The following RANBP10 variants were observed in gnomAD, a reference collection of about 807,000 sequenced individuals.
RANBP10 encodes RAN binding protein 10.
In RANBP10, 24 loss-of-function variants were observed where a neutral mutation model predicts 72.8. That is an observed-to-expected ratio of 0.33 (90% CI 0.24 to 0.46). The LOEUF (loss-of-function observed/expected upper bound fraction) is 0.46. Among genes scored for constraint, RANBP10 ranks in the 20% least tolerant of loss-of-function variants. RANBP10 has a pLI of 1.00. For missense variants in RANBP10, 679 were observed against 817.5 expected (o/e 0.83, Z 2.07); for synonymous variants, 310 against 322.3 (o/e 0.96, Z 0.41).
chr16:67,778,218 G>A (rs142567122), intron 2 of RANBP10, among the ~76,000 whole-genome samples: 94 of 152,242 alleles, frequency 6.2e-4, no homozygotes, highest in African/African-American at 2.1e-3. Context: ...GCATAGTGGC[G>A]CATGCCTGTA....
At chr16:67,741,334 G>A (rs2053965418) in intron 4 of RANBP10, among the ~76,000 whole-genome samples, 1 of 152,134 alleles carries the variant, frequency 6.6e-6, no homozygotes, top group African/African-American at 2.4e-5. Flanking sequence ...AGGAGAATGA[G>A]GAAAGACGCT....
intron 3 of RANBP10, among the ~76,000 whole-genome samples, chr16:67,756,704 G>GA (rs551126849): frequency 3.3e-5 from 5 of 151,346 alleles, no homozygotes; most frequent in South Asian, 2.1e-4. Context: ...CTCTGTCTCA[G>GA]AAAAAAAACA....
At chr16:67,794,930 T>TAAAAAAAAAAAAAAAA (rs1239858200) in intron 2 of RANBP10, among the ~76,000 whole-genome samples, 6 of 54,240 alleles carry the variant, frequency 1.1e-4, no homozygotes, top group East Asian at 5.2e-4. Context: ...TGCCTCAAAT[T>TAAAAAAAAAAAAAAAA]AAAAAAAAAA....
Position 67,729,914 on chromosome 16 carries a change from G to T in RANBP10, c.998+24C>A, listed in dbSNP as rs750683617. 3.7e-6 allele frequency: 6 copies of T among 1,613,692 alleles called. No homozygotes were observed. In the South Asian group the frequency reaches 6.6e-5, roughly 18 times the overall value. ...AGCTGAGAGGGGCTGGACTCTGGGGGAGCTGGGGGTGCCCAAGACTTACTT... is the reference window on the plus strand; with the variant it reads ...AGCTGAGAGGGGCTGGACTCTGGGGTAGCTGGGGGTGCCCAAGACTTACTT... On this transcript the variant is annotated intron_variant, in intron 8 of 13. Transcript: ENST00000317506. The surrounding 1 kb of genome is among the most constrained non-coding windows in gnomAD (Gnocchi z 7.1).
chr16:67,784,270 C>G (rs1363733289), intron 2 of RANBP10, among the ~76,000 whole-genome samples: 4 of 152,176 alleles, frequency 2.6e-5, no homozygotes, highest in Non-Finnish European at 4.4e-5. Context: ...CTTGTTAATT[C>G]CAGTATTTTG....
chr16:67,727,667 G>A (rs2053632643), intron 12 of RANBP10, 84 bp downstream of exon 12: 1 of 1,588,626 alleles, frequency 6.3e-7, no homozygotes, highest in Admixed American at 1.7e-5. Flanking sequence ...ACTCTTTCCT[G>A]CTGCCCCCTG....
intron 2 of RANBP10, among the ~76,000 whole-genome samples, chr16:67,794,097 G>A (rs1205622070): frequency 6.6e-6 from 1 of 152,068 alleles, no homozygotes; most frequent in African/African-American, 2.4e-5. Context: ...TGTCCAGGCT[G>A]GTCTTGAACC....
intron 4 of RANBP10, among the ~76,000 whole-genome samples, chr16:67,742,679 A>G (rs2053991942): frequency 6.6e-6 from 1 of 152,202 alleles, no homozygotes; most frequent in South Asian, 2.1e-4. Context: ...AGGGAACAGT[A>G]GAGTCTGCCC....
At chr16:67,758,314 G>A (rs2143009370) in intron 3 of RANBP10, among the ~76,000 whole-genome samples, 1 of 152,322 alleles carries the variant, frequency 6.6e-6, no homozygotes, top group African/African-American at 2.4e-5. Context: ...GCAAAACTGA[G>A]GTGCAACATC....
intron 2 of RANBP10, among the ~76,000 whole-genome samples, chr16:67,801,794 A>C (rs906204930): frequency 1.1e-4 from 16 of 151,864 alleles, no homozygotes; most frequent in Admixed American, 8.5e-4. Flanking sequence ...ATCTCTATAA[A>C]ATAGTTAAAA....
intron 2 of RANBP10, among the ~76,000 whole-genome samples, chr16:67,789,182 C>T (rs1427284171): frequency 4.7e-5 from 7 of 150,510 alleles, no homozygotes; most frequent in South Asian, 2.1e-4. Flanking sequence ...TGGTGGTGCA[C>T]GCCTGTAGTC....
At chr16:67,793,032 C>G (rs2055058047) in intron 2 of RANBP10, among the ~76,000 whole-genome samples, 1 of 152,022 alleles carries the variant, frequency 6.6e-6, no homozygotes, top group Non-Finnish European at 1.5e-5. Flanking sequence ...AGTACCAAAC[C>G]TTGACTTTCC....
At chr16:67,793,235 G>A (rs1006541340) in intron 2 of RANBP10, among the ~76,000 whole-genome samples, 1 of 151,786 alleles carries the variant, frequency 6.6e-6, no homozygotes, top group African/African-American at 2.4e-5. Context: ...ATGTCCTTTG[G>A]TACACAGACA....
chr16:67,745,789 G>A (rs1405186735), intron 3 of RANBP10, among the ~76,000 whole-genome samples: 1 of 152,110 alleles, frequency 6.6e-6, no homozygotes, highest in Non-Finnish European at 1.5e-5. Context: ...GGAGGCTAAG[G>A]TGGGAGGATC....
intron 2 of RANBP10, among the ~76,000 whole-genome samples, chr16:67,804,164 G>A (rs186575068): frequency 2.0e-5 from 3 of 152,248 alleles, no homozygotes; most frequent in Middle Eastern, 3.4e-3. Context: ...CACCCTCAGC[G>A]TTGGCATGGT....
intron 5 of RANBP10, among the ~76,000 whole-genome samples, chr16:67,736,876 A>G (rs1354474874): frequency 6.6e-6 from 1 of 152,188 alleles, no homozygotes; most frequent in African/African-American, 2.4e-5. Flanking sequence ...TCTGGGCTTC[A>G]GAGGCCCATA....
At chr16:67,778,162 C>A (rs1247576212) in intron 2 of RANBP10, among the ~76,000 whole-genome samples, 1 of 152,114 alleles carries the variant, frequency 6.6e-6, no homozygotes, top group Admixed American at 6.6e-5. Flanking sequence ...CCAGCCTGAC[C>A]TATGTGGAGA....
intron 6 of RANBP10, among the ~76,000 whole-genome samples, chr16:67,733,002 C>T (rs1034335713): frequency 4.2e-5 from 6 of 141,796 alleles, no homozygotes; most frequent in South Asian, 2.2e-4. Flanking sequence ...TGCAGTGAGC[C>T]GAGATTGCGC....
At chr16:67,781,256 G>A (rs921523553) in intron 2 of RANBP10, among the ~76,000 whole-genome samples, 5 of 152,200 alleles carry the variant, frequency 3.3e-5, no homozygotes, top group Non-Finnish European at 5.9e-5. Context: ...CTGGATCTCA[G>A]GACATCTAAA....
Sources: allele counts gnomAD v4.1 joint callset (sites outside exome capture counted in the v4.1 genomes callset), GRCh38; gene constraint gnomAD v4.1.1; non-coding constraint Gnocchi (gnomAD v3.1); transcripts MANE v1.5; gene names NCBI Gene and HGNC (gene_info 2026-07-23, HGNC 2026-07-21).